DUSP22: variants seen among roughly 807,000 people sequenced by gnomAD.
The protein encoded by DUSP22 is dual specificity phosphatase 22.
Under a neutral mutation model 24.5 loss-of-function variants are expected in DUSP22, and 24 were observed. The ratio of observed to expected loss-of-function variants is 0.98; its 90% CI spans 0.71 to 1.38. The LOEUF is 1.38. Ranked by LOEUF, DUSP22 falls within the 40% of genes most tolerant of loss-of-function variation. DUSP22 has a pLI of 0.00. For synonymous variants in DUSP22, 160 were observed against 106.4 expected, an observed-to-expected ratio of 1.50 and a Z score of -3.10; for missense variants, 330 against 269.2, an observed-to-expected ratio of 1.23 and a Z score of -1.58.
At chr6:342,743 G>T (rs1324074927) in intron 4 of DUSP22, among the ~76,000 whole-genome samples, 2 of 152,084 alleles carry the variant, frequency 1.3e-5, no homozygotes, top group East Asian at 3.8e-4. Context: ...GAGGTCAGGG[G>T]CAGAGATAGA....
intron 5 of DUSP22, among the ~76,000 whole-genome samples, 175 bp from the exon 6 acceptor site, chr6:347,928 G>A (rs2127423026): frequency 6.6e-6 from 1 of 152,420 alleles, no homozygotes; most frequent in Admixed American, 6.5e-5. Flanking sequence ...AGCATAGGGA[G>A]CTGGTACGTT....
intron 4 of DUSP22, among the ~76,000 whole-genome samples, chr6:337,716 T>C (rs1448184440): frequency 1.3e-5 from 2 of 152,304 alleles, no homozygotes; most frequent in African/African-American, 4.8e-5. Flanking sequence ...TTTTAGCGCA[T>C]CCGTCACCCG....
rs1323410427 is a variant in DUSP22, at chr6:312,109, TTGA to T, written c.138+150_138+152del. 6.7e-5 allele frequency: 62 copies of T among 920,164 alleles called. No individual in the cohort carries two copies. The Admixed American group carries it at 1.8e-3, about 27-fold the overall frequency. The allele number at this position is 920,164 out of a possible 1,614,324, so 57.0% of individuals were successfully genotyped here. On this transcript the variant is annotated intron_variant, in intron 3 of 6. Coordinates refer to ENST00000419235, the MANE Select transcript of DUSP22 (RefSeq NM_001286555.3). ...GCATTCCCATTGTGTTCAGGCCGTG[TTGA>T]TGTTAACACGCTGTCTGTAGCGTGG...
At chr6:292,845 A>G (rs767390311) in intron 1 of DUSP22, among the ~76,000 whole-genome samples, 1 of 152,220 alleles carries the variant, frequency 6.6e-6, no homozygotes, top group Non-Finnish European at 1.5e-5. Flanking sequence ...AAGCGTTGAC[A>G]CTTGTTCTGC....
chr6:329,957 T>C (rs1211876789), intron 3 of DUSP22, among the ~76,000 whole-genome samples: 2 of 152,246 alleles, frequency 1.3e-5, no homozygotes, highest in Non-Finnish European at 2.9e-5. Flanking sequence ...GGGAATGTGG[T>C]GAAAGTCGCT....
At chr6:294,020 T>G (rs527599625) in intron 1 of DUSP22, among the ~76,000 whole-genome samples, 1 of 152,404 alleles carries the variant, frequency 6.6e-6, no homozygotes, top group South Asian at 2.1e-4. Flanking sequence ...CTTTGGCTGT[T>G]TCTAGTTTTC....
intron 3 of DUSP22, among the ~76,000 whole-genome samples, chr6:329,987 G>C (rs567578613): frequency 6.6e-6 from 1 of 152,398 alleles, no homozygotes; most frequent in South Asian, 2.1e-4. Context: ...TCGCTGGCTG[G>C]TTTCGCTCAG....
At position 349,014 on chromosome 6, in the gene DUSP22, TGCG is replaced by T. The variant is rs1367853165; in HGVS notation, c.*65_*67del. The T allele has an allele frequency of 3.2e-6, 5 of 1,542,390 alleles. No homozygotes were observed. Among genetic ancestry groups the T allele is most frequent in the South Asian group, 2.4e-5 (2 of 83,154 alleles). Reference sequence around the variant, plus strand: ...TTCAGTGTGCCCGGCTGGGCAGGGGTGCGGTGGTGGTGGCCGATGAGGACAGGA... The same window carrying T: ...TTCAGTGTGCCCGGCTGGGCAGGGGTGTGGTGGTGGCCGATGAGGACAGGA... On this transcript the variant is annotated 3_prime_UTR_variant, in exon 7 of 7. Coordinates refer to ENST00000419235, the MANE Select transcript of DUSP22 (RefSeq NM_001286555.3).
intron 3 of DUSP22, among the ~76,000 whole-genome samples, chr6:319,728 C>T (rs944612317): frequency 5.9e-5 from 9 of 152,286 alleles, no homozygotes; most frequent in Non-Finnish European, 1.3e-4. Context: ...GCTGTTTGAC[C>T]TGGAATGGTT....
chr6:293,369 G>C (rs1444681886), intron 1 of DUSP22, among the ~76,000 whole-genome samples: 2 of 152,412 alleles, frequency 1.3e-5, no homozygotes, highest in East Asian at 3.9e-4. Flanking sequence ...TAAGGATTTT[G>C]TTACTTGGTA....
rs1760055245 is a variant in DUSP22 at position 349,241 on chromosome 6, A to G, written c.*290A>G. Reference sequence around the variant, plus strand: ...TGAGTGCACTTGTGTGTGGGTGACTAAGTGGATGCATGTGTGTGCCTGTGT... The same window carrying G: ...TGAGTGCACTTGTGTGTGGGTGACTGAGTGGATGCATGTGTGTGCCTGTGT... On this transcript the variant is annotated 3_prime_UTR_variant, in exon 7 of 7. Transcript: ENST00000419235. The G allele has an allele frequency of 2.2e-6, 3 of 1,360,840 alleles. No homozygotes were observed. The highest frequency in any genetic ancestry group is 5.8e-5 in the East Asian group (2 of 34,358). 84.3% of individuals were successfully genotyped at this position (1,360,840 alleles called of 1,614,324 possible).
At chr6:332,359 G>A (rs1378440268) in intron 3 of DUSP22, among the ~76,000 whole-genome samples, 1 of 152,308 alleles carries the variant, frequency 6.6e-6, no homozygotes, top group Non-Finnish European at 1.5e-5. Flanking sequence ...GTGGGCAGGG[G>A]CCAGCATGGC....
At chr6:299,203 T>C (rs1348285605) in intron 1 of DUSP22, among the ~76,000 whole-genome samples, 5 of 152,270 alleles carry the variant, frequency 3.3e-5, no homozygotes, top group Non-Finnish European at 5.9e-5. Flanking sequence ...TCATTTTCTC[T>C]CTGTTTTTCT....
intron 1 of DUSP22, among the ~76,000 whole-genome samples, chr6:301,677 A>G (rs2127391313): frequency 6.6e-6 from 1 of 152,398 alleles, no homozygotes; most frequent in South Asian, 2.1e-4. Flanking sequence ...GGAGGAGGGG[A>G]GCAGAGAATT....
intron 3 of DUSP22, among the ~76,000 whole-genome samples, chr6:333,986 GT>G (rs1165796118): frequency 6.8e-4 from 104 of 152,360 alleles, no homozygotes; most frequent in African/African-American, 2.4e-3. Context: ...TACACATTTA[GT>G]TGTCCCTATT....
Position 349,251 on chromosome 6 carries a change from ATG to A in DUSP22, c.*307_*308del. 1 of 1,348,328 alleles carries A rather than the reference ATG, an allele frequency of 7.4e-7. No individual in the cohort carries two copies. Among genetic ancestry groups the A allele is most frequent in the Non-Finnish European group, 9.6e-7 (1 of 1,046,552 alleles). The allele number at this position is 1,348,328 out of a possible 1,614,324, so 83.5% of individuals were successfully genotyped here. Reference sequence around the variant, plus strand: ...TGTGTGTGGGTGACTAAGTGGATGCATGTGTGTGCCTGTGTGAGTGAGGGTAT... The same window carrying A: ...TGTGTGTGGGTGACTAAGTGGATGCATGTGTGCCTGTGTGAGTGAGGGTAT... On this transcript the variant is annotated 3_prime_UTR_variant, in exon 7 of 7. Transcript: ENST00000419235.
intron 4 of DUSP22, among the ~76,000 whole-genome samples, chr6:337,587 A>G (rs539806368): frequency 6.6e-6 from 1 of 152,414 alleles, no homozygotes; most frequent in African/African-American, 2.4e-5. Flanking sequence ...GCCTAATTCC[A>G]GTCACCTTTG....
At chr6:340,529 T>A (rs937112210) in intron 4 of DUSP22, among the ~76,000 whole-genome samples, 1 of 152,298 alleles carries the variant, frequency 6.6e-6, no homozygotes, top group Non-Finnish European at 1.5e-5. Flanking sequence ...AAGCAAAAAC[T>A]TTTTTTTCTA....
Position 351,093 on chromosome 6 carries a change from C to T in DUSP22, c.*2142C>T, listed in dbSNP as rs192212928. 8.4e-5 allele frequency: 58 copies of T among 690,130 alleles called. No individual in the cohort carries two copies. The highest frequency in any genetic ancestry group is 6.5e-4 in the African/African-American group (36 of 55,792). The allele number at this position is 690,130 out of a possible 1,614,324, so 42.8% of individuals were successfully genotyped here. A position where few individuals can be genotyped will look rare whatever the true frequency, so the allele number is the denominator to read the frequency against. On this transcript the variant is annotated 3_prime_UTR_variant, in exon 7 of 7. Coordinates refer to ENST00000419235, the MANE Select transcript of DUSP22 (RefSeq NM_001286555.3). ...CACTGCTGTGGAGGTTTCTGTACCT[C>T]GCTTGGATGCCTGTAAGGATCCCGG...
Sources: gnomAD v4.1 joint callset for allele counts (sites outside exome capture counted in the v4.1 genomes callset) on GRCh38, gnomAD v4.1.1 for gene constraint, MANE v1.5 for transcripts, NCBI Gene and HGNC (gene_info 2026-07-23, HGNC 2026-07-21) for gene names.